CRPPA: variants seen among roughly 807,000 people sequenced by gnomAD.
CRPPA encodes CDP-L-ribitol pyrophosphorylase A, also known as D-ribitol-5-phosphate cytidylyltransferase.
A neutral mutation model predicts 52.0 loss-of-function variants in CRPPA; 43 were observed. The observed-to-expected ratio is 0.83, with a 90% CI of 0.65 to 1.07. The LOEUF is 1.07. Among genes scored for constraint, CRPPA ranks in the 50% least tolerant of loss-of-function variants. The pLI, the probability that CRPPA is intolerant of heterozygous loss-of-function variation, is 0.00. For synonymous variants in CRPPA, 250 were observed against 203.5 expected (o/e 1.23, Z -1.94); for missense variants, 629 against 551.7 (o/e 1.14, Z -1.40).
chr7:16,255,598 T>C (rs1262082553), intron 8 of CRPPA, among the ~76,000 whole-genome samples: 2 of 152,030 alleles, frequency 1.3e-5, no homozygotes, highest in Non-Finnish European at 2.9e-5. Flanking sequence ...AACAGATATA[T>C]AGACCAATGG....
chr7:16,120,273 C>A (rs79608769), intron 9 of CRPPA, among the ~76,000 whole-genome samples: 5,341 of 152,166 alleles, frequency 0.035, 282 homozygotes, highest in East Asian at 0.27. Flanking sequence ...CAAAAATTCT[C>A]CACCCTCAAT....
chr7:16,367,483 C>T (rs1786632274), intron 3 of CRPPA, among the ~76,000 whole-genome samples: 2 of 152,008 alleles, frequency 1.3e-5, no homozygotes, highest in Admixed American at 1.3e-4. Context: ...CCTGTTAACT[C>T]AGTATTTAAA....
In CRPPA at chr7:16,388,653, T is replaced by C. The variant is rs183878919; in HGVS notation, c.535-12412A>G. Among the ~76,000 whole-genome samples the C allele has an allele frequency of 2.5e-3, 380 of 152,326 alleles. 4 individuals carry two copies. The highest frequency in any genetic ancestry group is 8.6e-3 in the African/African-American group (358 of 41,568). On this transcript the variant is annotated intron_variant, in intron 2 of 9. Transcript: ENST00000407010. ...ACTTTGGGAGGCCAAGGCAGGTGGA[T>C]CACTTGAGGTCAGGAGTTTGAGACC...
intron 9 of CRPPA, among the ~76,000 whole-genome samples, chr7:16,214,954 C>A (rs925345987): frequency 1.3e-5 from 2 of 152,150 alleles, no homozygotes; most frequent in Non-Finnish European, 2.9e-5. Context: ...ATTCCATTAT[C>A]CTACGTGAAC....
At chr7:16,299,148 A>G (rs1239576269) in intron 5 of CRPPA, among the ~76,000 whole-genome samples, 6 of 152,172 alleles carry the variant, frequency 3.9e-5, no homozygotes, top group Admixed American at 3.9e-4. Context: ...ACAGGTAAAT[A>G]TACAGCTCTC....
intron 5 of CRPPA, among the ~76,000 whole-genome samples, chr7:16,295,846 C>T (rs1784661371): frequency 6.6e-6 from 1 of 152,100 alleles, no homozygotes; most frequent in South Asian, 2.1e-4. Context: ...ACTACAATAC[C>T]TCTTTGTTAA....
At chr7:16,233,324 A>C (rs886139935) in intron 8 of CRPPA, among the ~76,000 whole-genome samples, 1 of 152,116 alleles carries the variant, frequency 6.6e-6, no homozygotes, top group African/African-American at 2.4e-5. Context: ...AAAACCACAT[A>C]TCAACACATC....
chr7:16,397,783 G>A (rs1051638310), intron 2 of CRPPA, among the ~76,000 whole-genome samples: 3 of 152,154 alleles, frequency 2.0e-5, no homozygotes, highest in East Asian at 1.9e-4. Flanking sequence ...TGACCAACAC[G>A]TCACTGACAT....
chr7:16,123,883 T>C (rs1782524068), intron 9 of CRPPA, among the ~76,000 whole-genome samples: 1 of 152,196 alleles, frequency 6.6e-6, no homozygotes, highest in African/African-American at 2.4e-5. Flanking sequence ...TTAAACAACA[T>C]TCATCCTATT....
intron 9 of CRPPA, among the ~76,000 whole-genome samples, chr7:16,164,954 G>A (rs140933987): frequency 6.6e-6 from 1 of 152,088 alleles, no homozygotes; most frequent in Admixed American, 6.5e-5. Context: ...CTCCTGCTGG[G>A]AGGTGTCTCC....
intron 9 of CRPPA, among the ~76,000 whole-genome samples, chr7:16,206,600 T>C (rs1781978906): frequency 6.6e-6 from 1 of 152,094 alleles, no homozygotes; most frequent in African/African-American, 2.4e-5. Flanking sequence ...AAAAATTAAA[T>C]GATTACAAGG....
At chr7:16,317,708 G>A (rs1235880123) in intron 3 of CRPPA, among the ~76,000 whole-genome samples, 1 of 152,164 alleles carries the variant, frequency 6.6e-6, no homozygotes, top group African/African-American at 2.4e-5. Context: ...CATCAATGAT[G>A]TTTCAATGAA....
At chr7:16,389,928 A>AAAAAAAATATATATATATAT in intron 2 of CRPPA, among the ~76,000 whole-genome samples, 1 of 29,770 alleles carries the variant, frequency 3.4e-5, no homozygotes, top group Non-Finnish European at 5.3e-5. Flanking sequence ...AAAAAAAAAA[A>AAAAAAAATATATATATATAT]ATATATATAT....
chr7:16,197,407 G>C (rs978345153), intron 9 of CRPPA, among the ~76,000 whole-genome samples: 1 of 152,050 alleles, frequency 6.6e-6, no homozygotes, highest in African/African-American at 2.4e-5. Context: ...AATCAATCAT[G>C]GCTTACTGCA....
intron 5 of CRPPA, among the ~76,000 whole-genome samples, chr7:16,294,779 G>C (rs1483587519): frequency 2.0e-5 from 3 of 151,878 alleles, no homozygotes; most frequent in African/African-American, 4.8e-5. Flanking sequence ...AACATAAATG[G>C]TGTTATCCCT....
intron 9 of CRPPA, among the ~76,000 whole-genome samples, chr7:16,130,237 T>C (rs983160425): frequency 6.6e-6 from 1 of 152,200 alleles, no homozygotes; most frequent in Non-Finnish European, 1.5e-5. Flanking sequence ...TCTTTAATCA[T>C]ACAATACTGG....
chr7:16,403,808 C>T (rs921314894), intron 2 of CRPPA, among the ~76,000 whole-genome samples: 1 of 152,002 alleles, frequency 6.6e-6, no homozygotes, highest in African/African-American at 2.4e-5. Context: ...TGGACAACTA[C>T]ATGACTAAGA....
chr7:16,270,467 A>C (rs1454610079), intron 6 of CRPPA: 1 of 152,180 alleles, frequency 6.6e-6, no homozygotes, highest in East Asian at 1.9e-4. Flanking sequence ...TAAATTGTTA[A>C]TTTTATTTAA....
At chr7:16,129,454 C>G (rs1162037444) in intron 9 of CRPPA, among the ~76,000 whole-genome samples, 2 of 152,038 alleles carry the variant, frequency 1.3e-5, no homozygotes, top group African/African-American at 4.8e-5. Context: ...CTGCGTTGGT[C>G]AAATCCATCC....
Sources: allele counts gnomAD v4.1 joint callset (sites outside exome capture counted in the v4.1 genomes callset), GRCh38; gene constraint gnomAD v4.1.1; transcripts MANE v1.5; gene names NCBI Gene and HGNC (gene_info 2026-07-23, HGNC 2026-07-21).